METTL24: variants seen among roughly 807,000 people sequenced by gnomAD.
The protein encoded by METTL24 is probable methyltransferase-like protein 24.
METTL24 carries 29 observed loss-of-function variants against 32.7 expected under a neutral mutation model. The observed-to-expected ratio is 0.89, with a 90% CI of 0.66 to 1.21. METTL24 has a LOEUF of 1.21. METTL24 is among the 50% of genes most tolerant of loss of function. METTL24 has a pLI of 0.00. For synonymous variants in METTL24, 163 were observed against 179.5 expected, an observed-to-expected ratio of 0.91 and a Z score of 0.73; for missense variants, 439 against 468.1, an observed-to-expected ratio of 0.94 and a Z score of 0.57.
intron 4 of METTL24, among the ~76,000 whole-genome samples, chr6:110,276,876 T>C (rs1277054724): frequency 2.0e-5 from 3 of 151,750 alleles, no homozygotes; most frequent in Admixed American, 6.6e-5. Flanking sequence ...CAAATAGAAT[T>C]AGGGCAAAAA....
At chr6:110,352,474 C>A (rs1291808943) in intron 1 of METTL24, among the ~76,000 whole-genome samples, 1 of 152,174 alleles carries the variant, frequency 6.6e-6, no homozygotes, top group Non-Finnish European at 1.5e-5. Context: ...CAACTAGCAA[C>A]CCACCTTGCT....
chr6:110,270,112 T>C (rs1036578388), intron 4 of METTL24, among the ~76,000 whole-genome samples: 4 of 152,186 alleles, frequency 2.6e-5, no homozygotes, highest in African/African-American at 7.2e-5. Flanking sequence ...TCAATACATA[T>C]AATGGATTTT....
Position 110,299,124 on chromosome 6 carries a change from T to G in METTL24, c.584A>C (p.Glu195Ala). Reference protein sequence around the residue: ...LGLGSDDTHFEVSMANNGCEV... With the variant: ...LGLGSDDTHFAVSMANNGCEV... ...ACATCCGTTGTTGGCCATGCTAACC[T>G]CAAAATGGGTATCATCACTTCCTAG... is the stretch of plus-strand genomic sequence containing the variant. The change falls in exon 4 of 5, where the codon GAG (glutamate) becomes GCG (alanine). Residue 195 changes from glutamate (E) to alanine (A), a missense_variant. Physicochemically the swap from Glu to Ala is moderately radical, Grantham distance 107. Transcript: ENST00000338882. The G allele has an allele frequency of 1.2e-6, 2 of 1,613,998 alleles. No homozygotes were observed. The highest frequency in any genetic ancestry group is 1.7e-6 in the Non-Finnish European group (2 of 1,179,996).
intron 1 of METTL24, among the ~76,000 whole-genome samples, chr6:110,343,346 G>A (rs1428704682): frequency 6.6e-6 from 1 of 152,208 alleles, no homozygotes; most frequent in Non-Finnish European, 1.5e-5. Context: ...GCCTAAGTTG[G>A]CACAATCCTC....
chr6:110,298,328 C>T (rs1208545352), intron 4 of METTL24, among the ~76,000 whole-genome samples: 2 of 152,158 alleles, frequency 1.3e-5, no homozygotes, highest in Non-Finnish European at 2.9e-5. Flanking sequence ...AAGATTGTTT[C>T]TTTTTTGCTG....
chr6:110,358,164 C>G lies in METTL24; in HGVS notation c.109G>C (p.Gly37Arg). 3.3e-6 allele frequency: 4 copies of G among 1,215,076 alleles called. No homozygotes were observed. Among genetic ancestry groups the G allele is most frequent in the Middle Eastern group, 3.3e-4 (1 of 3,076 alleles). The allele number at this position is 1,215,076 out of a possible 1,614,324, so 75.3% of individuals were successfully genotyped here. A position where few individuals can be genotyped will look rare whatever the true frequency, so the allele number is the denominator to read the frequency against. ...GCGCTGCGGGTGGGGGACCCGGGCC[C>G]GGCGCGCCGCAGCTCTGCGCAGAGC... ...LRLCAELRRA[G>R]PGSPTRSAPP... Residue 37 changes from glycine (G) to arginine (R), a missense_variant, in exon 1 of 5, where the codon GGG becomes CGG. Physicochemically the swap from Gly to Arg is moderately radical, Grantham distance 125 (BLOSUM62 -2). Coordinates refer to ENST00000338882, the MANE Select transcript of METTL24 (RefSeq NM_001123364.3).
chr6:110,261,620 T>C (rs1363628063), intron 4 of METTL24, among the ~76,000 whole-genome samples: 2 of 152,300 alleles, frequency 1.3e-5, no homozygotes, highest in East Asian at 3.9e-4. Flanking sequence ...GTGGACCTAA[T>C]AGACATCTAC....
chr6:110,299,251 C>G (rs1302583517), intron 3 of METTL24, 101 bp from the exon 4 acceptor site: 8 of 1,001,964 alleles, frequency 8.0e-6, no homozygotes, highest in African/African-American at 1.6e-5. Flanking sequence ...TTAGTTATAT[C>G]AAGCCTTCTC....
At chr6:110,296,522 G>C (rs1771422325) in intron 4 of METTL24, among the ~76,000 whole-genome samples, 1 of 152,164 alleles carries the variant, frequency 6.6e-6, no homozygotes, top group Non-Finnish European at 1.5e-5. Flanking sequence ...AATTACCAAA[G>C]AGTTTTAAAA....
At chr6:110,295,506 C>T (rs572537300) in intron 4 of METTL24, among the ~76,000 whole-genome samples, 56 of 152,300 alleles carry the variant, frequency 3.7e-4, no homozygotes, top group African/African-American at 1.3e-3. Flanking sequence ...ACCAGAGGGC[C>T]CCAGCCCCAA....
chr6:110,335,712 A>G (rs1276761366), intron 1 of METTL24, among the ~76,000 whole-genome samples: 2 of 151,450 alleles, frequency 1.3e-5, no homozygotes, highest in Non-Finnish European at 2.9e-5. Context: ...CACTGCACCT[A>G]TTGTACTGGT....
chr6:110,261,998 C>T (rs922359008), intron 4 of METTL24, among the ~76,000 whole-genome samples: 6 of 151,998 alleles, frequency 3.9e-5, no homozygotes, highest in African/African-American at 9.7e-5. Context: ...GCACTAAATG[C>T]CCACAAGAGA....
chr6:110,257,545 T>C (rs191892109), intron 4 of METTL24, among the ~76,000 whole-genome samples: 141 of 152,260 alleles, frequency 9.3e-4, no homozygotes, highest in African/African-American at 3.3e-3. Flanking sequence ...ACTGTGCCAC[T>C]CAGAGGATCA....
intron 3 of METTL24, among the ~76,000 whole-genome samples, chr6:110,311,497 G>A (rs1236003921): frequency 5.1e-5 from 6 of 117,700 alleles, no homozygotes; most frequent in African/African-American, 7.0e-5. Flanking sequence ...TTTTTGAGAC[G>A]GAGTCTTGCT....
chr6:110,283,268 A>G (rs1457134522), intron 4 of METTL24, among the ~76,000 whole-genome samples: 2 of 152,176 alleles, frequency 1.3e-5, no homozygotes, highest in South Asian at 4.1e-4. Context: ...TTACATCCAC[A>G]GGCAGGTTCC....
At chr6:110,268,473 T>C (rs974861008) in intron 4 of METTL24, among the ~76,000 whole-genome samples, 2 of 152,120 alleles carry the variant, frequency 1.3e-5, no homozygotes, top group Non-Finnish European at 2.9e-5. Flanking sequence ...GAAAAGCAAA[T>C]GTGGAGTAGC....
rs558067903 is a variant in METTL24, at chr6:110,312,505, C to T, written c.557+2837G>A. Among the ~76,000 whole-genome samples, 16 of 152,276 alleles carry T rather than the reference C, an allele frequency of 1.1e-4. No homozygotes were observed. The South Asian group carries it at 3.1e-3, about 30-fold the overall frequency. ...TGTGGCATATATACACAATGGAATA[C>T]TATTTGGCCATAAAAAAAGAATAAA... On this transcript the variant is annotated intron_variant, in intron 3 of 4. Coordinates refer to ENST00000338882, the MANE Select transcript of METTL24 (RefSeq NM_001123364.3).
Position 110,297,711 on chromosome 6 carries a change from G to A in METTL24, c.786+1211C>T, listed in dbSNP as rs1771445192. ...TGCTTCTGCTTCTTCCCACACATAT[G>A]AAAAACATTAACAGCATGTAAAAAG... On this transcript the variant is annotated intron_variant, in intron 4 of 4. Transcript: ENST00000338882. 6.6e-5 allele frequency among the ~76,000 whole-genome samples: 10 copies of A among 152,260 alleles called. 1 individual carries two copies. In the South Asian group the frequency reaches 1.7e-3, roughly 25 times the overall value.
At chr6:110,287,833 C>T (rs1176906463) in intron 4 of METTL24, among the ~76,000 whole-genome samples, 1 of 152,160 alleles carries the variant, frequency 6.6e-6, no homozygotes, top group African/African-American at 2.4e-5. Flanking sequence ...GCCTGTGAGG[C>T]ACACAGCTCA....
Sources: allele counts gnomAD v4.1 joint callset (sites outside exome capture counted in the v4.1 genomes callset), GRCh38; gene constraint gnomAD v4.1.1; transcripts MANE v1.5; gene names NCBI Gene and HGNC (gene_info 2026-07-23, HGNC 2026-07-21).